DHX15: variants seen among roughly 807,000 people sequenced by gnomAD.
DHX15 encodes DEAH-box helicase 15, also known as ATP-dependent RNA helicase DHX15.
In DHX15, 11 loss-of-function variants were observed where a neutral mutation model predicts 94.4. The ratio of observed to expected loss-of-function variants is 0.12; its 90% confidence interval spans 0.07 to 0.19. DHX15 has a LOEUF of 0.19. Ranked by LOEUF, DHX15 falls within the 10% of genes least tolerant of loss-of-function variation. The pLI, the probability that DHX15 is intolerant of heterozygous loss-of-function variation, is 1.00. For synonymous variants in DHX15, 338 were observed against 329.9 expected (o/e 1.02, Z -0.27); for missense variants, 304 against 988.5 (o/e 0.31, Z 9.29).
At position 24,576,644 on chromosome 4, in the gene DHX15, G is replaced by C. The variant is rs751138616; in HGVS notation, c.106C>G (p.Arg36Gly). Residue 36 changes from arginine (R) to glycine (G), a missense_variant, in exon 2 of 14, where the codon CGG (arginine) becomes GGG (glycine). Coordinates refer to ENST00000336812, the MANE Select transcript of DHX15 (RefSeq NM_001358.3). ...CGTTCTCGGTCTCGATCTTTAGACC[G>C]ATCTTCACGATCCCGGTCTCGATCT... is the stretch of plus-strand genomic sequence containing the variant. ...DRDRDRDRED[R>G]SKDRDRERDR... 6.2e-7 allele frequency: 1 copy of C among 1,613,330 alleles called. No individual in the cohort carries two copies.
chr4:24,564,402 T>C (rs1190472566), intron 3 of DHX15, among the ~76,000 whole-genome samples: 1 of 152,190 alleles, frequency 6.6e-6, no homozygotes, highest in Non-Finnish European at 1.5e-5. Context: ...ACTTCAACCT[T>C]AATAGAAACC....
At chr4:24,560,147 A>C (rs894702776) in intron 3 of DHX15, among the ~76,000 whole-genome samples, 2 of 152,032 alleles carry the variant, frequency 1.3e-5, no homozygotes, top group Non-Finnish European at 2.9e-5. Context: ...CTAACACATC[A>C]CTAATTCTGA....
intron 3 of DHX15, among the ~76,000 whole-genome samples, chr4:24,565,969 G>C (rs990716376): frequency 6.6e-5 from 10 of 151,978 alleles, no homozygotes; most frequent in African/African-American, 2.4e-4. Context: ...GGCAGAGCTA[G>C]GACAACTCAG....
chr4:24,573,780 G>C (rs1560775557), intron 2 of DHX15, among the ~76,000 whole-genome samples: 1 of 152,110 alleles, frequency 6.6e-6, no homozygotes, highest in Non-Finnish European at 1.5e-5. Context: ...CATTCCCTTA[G>C]CTCAACATGC....
intron 5 of DHX15, among the ~76,000 whole-genome samples, chr4:24,553,794 A>G (rs889687342): frequency 1.3e-5 from 2 of 152,076 alleles, no homozygotes; most frequent in Non-Finnish European, 2.9e-5. Context: ...CCACCCCCAA[A>G]AAGAAAAAGA....
intron 6 of DHX15, 22 bp from the exon 7 acceptor site, chr4:24,543,048 A>G: frequency 6.6e-7 from 1 of 1,523,992 alleles, no homozygotes; most frequent in Non-Finnish European, 9.1e-7. Context: ...TAGAGTATAT[A>G]AATTATATTA....
intron 1 of DHX15, among the ~76,000 whole-genome samples, chr4:24,577,867 C>G (rs949623009): frequency 7.9e-5 from 12 of 152,158 alleles, no homozygotes; most frequent in Non-Finnish European, 2.9e-5. Context: ...AAATTTGCCT[C>G]AAGATCTTTA....
chr4:24,577,414 A>C (rs1045424602), intron 1 of DHX15, among the ~76,000 whole-genome samples: 2 of 152,144 alleles, frequency 1.3e-5, no homozygotes, highest in African/African-American at 2.4e-5. Flanking sequence ...AAAAAAACTG[A>C]AATTAAAACT....
At chr4:24,528,307 A>G (rs947099377) in intron 13 of DHX15, among the ~76,000 whole-genome samples, 5 of 152,240 alleles carry the variant, frequency 3.3e-5, no homozygotes, top group Non-Finnish European at 7.3e-5. Context: ...TAATGTAAAG[A>G]TAACAGATAA....
chr4:24,540,534 CA>C (rs1357809018), intron 9 of DHX15, among the ~76,000 whole-genome samples: 7 of 151,930 alleles, frequency 4.6e-5, no homozygotes, highest in African/African-American at 1.7e-4. Flanking sequence ...ATTGCTAATT[CA>C]TCAATGTGTT....
intron 1 of DHX15, among the ~76,000 whole-genome samples, 189 bp from the exon 2 acceptor site, chr4:24,576,867 T>A (rs1336142149): frequency 2.6e-5 from 4 of 152,200 alleles, no homozygotes; most frequent in African/African-American, 9.6e-5. Flanking sequence ...CAAACATCTT[T>A]CCCTTCCTTG....
chr4:24,556,405 A>G lies in DHX15; in HGVS notation c.707T>C (p.Met236Thr). The G allele has an allele frequency of 6.2e-7, 1 of 1,611,900 alleles. No homozygotes were observed. The highest frequency in any genetic ancestry group is 8.5e-7 in the Non-Finnish European group (1 of 1,178,788). Residue 236 changes from methionine to threonine, a missense_variant, in exon 4 of 14, where the codon ATG becomes ACG. Met to Thr is a moderately conservative substitution (Grantham distance 81). This residue lies in a region of DHX15 where 29 missense variants were observed against 181.6 expected (regional missense o/e 0.16). Coordinates refer to ENST00000336812, the MANE Select transcript of DHX15 (RefSeq NM_001358.3). The part of the protein sequence containing the change: ...CSSAKTILKY[M>T]TDGMLLREAM... ...TTCACGAAGTAACATCCCATCAGTC[A>G]TATACCTATATTCCAAAGAACATGT...
chr4:24,577,448 TC>T (rs1175048522), intron 1 of DHX15, among the ~76,000 whole-genome samples: 1 of 152,234 alleles, frequency 6.6e-6, no homozygotes, highest in Non-Finnish European at 1.5e-5. Context: ...GCTTGTTTAC[TC>T]TTGCATTTTA....
intron 12 of DHX15, among the ~76,000 whole-genome samples, chr4:24,532,043 A>G (rs892378027): frequency 5.3e-5 from 8 of 152,172 alleles, no homozygotes; most frequent in African/African-American, 1.9e-4. Flanking sequence ...GAATGAACAA[A>G]CAGAAAAGAG....
intron 1 of DHX15, among the ~76,000 whole-genome samples, chr4:24,582,691 TTCC>T (rs1722443556): frequency 6.6e-6 from 1 of 152,168 alleles, no homozygotes; most frequent in Non-Finnish European, 1.5e-5. Context: ...AAAGGCAGGG[TTCC>T]AGATCCTGCT....
At chr4:24,569,993 A>C (rs959561550) in intron 3 of DHX15, among the ~76,000 whole-genome samples, 2 of 152,270 alleles carry the variant, frequency 1.3e-5, no homozygotes, top group Non-Finnish European at 2.9e-5. Flanking sequence ...AATAAGCAGA[A>C]GCAACCAGAG....
At chr4:24,584,227 C>T (rs1451264246) in intron 1 of DHX15, 96 bp downstream of exon 1, 3 of 1,280,730 alleles carry the variant, frequency 2.3e-6, no homozygotes, top group Non-Finnish European at 3.3e-6. Context: ...AAGGCTCGGG[C>T]TCCAGGACCC....
chr4:24,533,529 G>GT (rs1721133506), intron 11 of DHX15: 1 of 159,440 alleles, frequency 6.3e-6, no homozygotes, highest in African/African-American at 2.4e-5. Context: ...TGCGACACAC[G>GT]TGTCTCTCAG....
Position 24,537,792 on chromosome 4 carries a change from T to TTTG in DHX15, c.1787-620_1787-619insCAA, listed in dbSNP as rs1165673287. On this transcript the variant is annotated intron_variant, in intron 10 of 13. Transcript: ENST00000336812. The surrounding 1 kb of genome is among the most constrained non-coding windows in gnomAD (Gnocchi z 4.7). ...GGATGATAGCAGTAGTGGTGGAAGG[T>TTTG]TAAACCGCCTTTGAATTAAGAAAAT... 6.6e-6 allele frequency: 1 copy of TTTG among 152,148 alleles called. No homozygotes were observed. The highest frequency in any genetic ancestry group is 1.5e-5 in the Non-Finnish European group (1 of 68,024). 9.4% of individuals were successfully genotyped at this position (152,148 alleles called of 1,614,324 possible). A position where few individuals can be genotyped will look rare whatever the true frequency, so the allele number is the denominator to read the frequency against.
Sources: gnomAD v4.1 joint callset for allele counts (sites outside exome capture counted in the v4.1 genomes callset) on GRCh38, gnomAD v4.1.1 for gene constraint, gnomAD v4.1.1 regional missense constraint, Gnocchi (gnomAD v3.1) non-coding constraint, MANE v1.5 for transcripts, NCBI Gene and HGNC (gene_info 2026-07-23, HGNC 2026-07-21) for gene names.